The following ANO4 variants were observed in gnomAD, a reference collection of about 807,000 sequenced individuals.
ANO4 encodes the protein anoctamin-4.
In ANO4, 69 loss-of-function variants were observed where a neutral mutation model predicts 141.9. The ratio of observed to expected loss-of-function variants is 0.49; its 90% CI spans 0.40 to 0.59. The LOEUF is 0.59. ANO4 is among the 20% of genes least tolerant of loss of function. The pLI is 0.00. For synonymous variants in ANO4, 350 were observed against 394.3 expected, an observed-to-expected ratio of 0.89 and a Z score of 1.33; for missense variants, 894 against 1,162.2, an observed-to-expected ratio of 0.77 and a Z score of 3.36.
intron 1 of ANO4, among the ~76,000 whole-genome samples, chr12:100,833,670 C>A (rs11110545): frequency 0.4 from 61,067 of 151,960 alleles, 12,532 homozygotes; most frequent in Admixed American, 0.47. Flanking sequence ...CCACCTTTGT[C>A]TTACTAGTTG....
At chr12:100,821,425 T>G (rs1275984654) in intron 1 of ANO4, among the ~76,000 whole-genome samples, 1 of 152,020 alleles carries the variant, frequency 6.6e-6, no homozygotes, top group East Asian at 1.9e-4. Flanking sequence ...TGGTTATTAT[T>G]AAAAATCGAT....
chr12:100,912,128 GC>G (rs993013634), intron 2 of ANO4, among the ~76,000 whole-genome samples: 4 of 152,036 alleles, frequency 2.6e-5, no homozygotes, highest in African/African-American at 9.7e-5. Context: ...GGGCGCGGTG[GC>G]TCATATACGT....
intron 14 of ANO4, chr12:101,066,931 A>G (rs1466363027): frequency 2.5e-5 from 20 of 789,394 alleles, no homozygotes; most frequent in Non-Finnish European, 3.9e-5. Context: ...TTTCTGTTAC[A>G]AGGCAACATG....
chr12:100,942,226 G>T (rs1399179077), intron 4 of ANO4, 151 bp from the exon 5 acceptor site: 2 of 729,064 alleles, frequency 2.7e-6, no homozygotes, highest in African/African-American at 1.8e-5. Context: ...TGATCCACCC[G>T]CCTCGGCCTC....
intron 1 of ANO4, among the ~76,000 whole-genome samples, chr12:100,847,540 C>T (rs187125036): frequency 1.9e-4 from 28 of 148,668 alleles, no homozygotes; most frequent in Non-Finnish European, 3.7e-4. Flanking sequence ...GGTGCAATCT[C>T]GGCTCACTGC....
chr12:100,729,052 T>C (rs1171871956), intron 1 of ANO4, among the ~76,000 whole-genome samples: 3 of 152,110 alleles, frequency 2.0e-5, no homozygotes, highest in Non-Finnish European at 4.4e-5. Flanking sequence ...CTTTTCTTTA[T>C]AGTTTTACCA....
chr12:101,109,135 A>G (rs1205235121), intron 22 of ANO4, among the ~76,000 whole-genome samples: 1 of 152,154 alleles, frequency 6.6e-6, no homozygotes, highest in Non-Finnish European at 1.5e-5. Context: ...CGTTTGCACA[A>G]TTGGGTTGGG....
intron 5 of ANO4, among the ~76,000 whole-genome samples, chr12:100,951,242 G>C (rs537402023): frequency 2.2e-4 from 34 of 152,306 alleles, no homozygotes; most frequent in African/African-American, 7.5e-4. Context: ...GCTGGTGGGA[G>C]TGTCAGTTCA....
intron 3 of ANO4, among the ~76,000 whole-genome samples, chr12:100,927,742 C>G (rs2041930318): frequency 6.6e-6 from 1 of 152,068 alleles, no homozygotes; most frequent in Non-Finnish European, 1.5e-5. Flanking sequence ...CCATTTGTTG[C>G]CCACCCCTCT....
intron 3 of ANO4, among the ~76,000 whole-genome samples, chr12:100,783,890 G>A (rs2033783071): frequency 6.6e-6 from 1 of 152,170 alleles, no homozygotes; most frequent in Non-Finnish European, 1.5e-5. Flanking sequence ...CAGGAAGATG[G>A]TCTCCCTCTC....
rs10652346 is a variant in ANO4 at position 100,770,781 on chromosome 12, A to ATTT, written c.358+30694_358+30696dup. Among the ~76,000 whole-genome samples, 167 of 131,338 alleles carry ATTT rather than the reference A, an allele frequency of 1.3e-3. 4 individuals carry two copies. The highest frequency in any genetic ancestry group is 8.5e-3 in the Middle Eastern group (2 of 234). 86.2% of individuals were successfully genotyped at this position (131,338 alleles called of 152,430 possible). ...CAGAGTGGAAGAGGCCTTGGCTTGA[A>ATTT]TTTTTTTTTTTTTTTTTTTTGCATT... On this transcript the variant is annotated intron_variant, in intron 3 of 29. Transcript: ENST00000644049.
At chr12:100,794,241 T>C (rs2034165591), upstream of ANO4, among the ~76,000 whole-genome samples, 1 of 152,270 alleles carries the variant, frequency 6.6e-6, no homozygotes, top group South Asian at 2.1e-4. Context: ...AAAGCGCCAT[T>C]ACTGTACTCA....
intron 10 of ANO4, among the ~76,000 whole-genome samples, chr12:101,038,195 T>C (rs1175403422): frequency 6.6e-6 from 1 of 152,186 alleles, no homozygotes; most frequent in East Asian, 1.9e-4. Context: ...AGCAAACATT[T>C]TGACACAAAG....
chr12:100,993,548 T>C (rs1398886169), intron 8 of ANO4, among the ~76,000 whole-genome samples: 1 of 152,094 alleles, frequency 6.6e-6, no homozygotes, highest in Non-Finnish European at 1.5e-5. Context: ...CATAGAAGTT[T>C]ACTTGTTCAC....
chr12:100,792,737 G>T (rs1593340533), upstream of ANO4, among the ~76,000 whole-genome samples: 2 of 152,076 alleles, frequency 1.3e-5, no homozygotes, highest in Admixed American at 1.3e-4. Flanking sequence ...TCATTATAAT[G>T]CTGTGTATTC....
intron 3 of ANO4, among the ~76,000 whole-genome samples, chr12:100,743,788 T>A (rs1466386708): frequency 6.6e-6 from 1 of 152,202 alleles, no homozygotes; most frequent in Non-Finnish European, 1.5e-5. Context: ...CGCTTGGGTT[T>A]GTTATACAAA....
intron 1 of ANO4, among the ~76,000 whole-genome samples, chr12:100,819,322 C>T (rs747559305): frequency 6.6e-6 from 1 of 151,608 alleles, no homozygotes; most frequent in African/African-American, 2.4e-5. Context: ...GACAGTTTAC[C>T]AATGCTGTCA....
rs2039249769 is a variant in ANO4, at chr12:100,875,403, C to T, written c.-140-26243C>T. The stretch of plus-strand genomic sequence containing the variant: ...CAGGGCAGCATACATCACTTCTGAC[C>T]AGAACTCAGACACGTACTACAAGGG... On this transcript the variant is annotated intron_variant, in intron 1 of 27. Transcript: ENST00000392977. 2.0e-5 allele frequency among the ~76,000 whole-genome samples: 3 copies of T among 152,126 alleles called. 1 individual carries two copies. The highest frequency in any genetic ancestry group is 4.4e-5 in the Non-Finnish European group (3 of 68,028).
intron 1 of ANO4, among the ~76,000 whole-genome samples, chr12:100,727,667 T>G (rs1565841119): frequency 1.3e-5 from 2 of 152,216 alleles, no homozygotes; most frequent in African/African-American, 2.4e-5. Flanking sequence ...TTAACATGTA[T>G]TGTTATTACT....
Sources: gnomAD v4.1 joint callset for allele counts (sites outside exome capture counted in the v4.1 genomes callset) on GRCh38, gnomAD v4.1.1 for gene constraint, MANE v1.5 for transcripts, NCBI Gene and HGNC (gene_info 2026-07-23, HGNC 2026-07-21) for gene names.